Variants in PCSK2 observed in about 807,000 individuals in gnomAD.
PCSK2 encodes the protein proprotein convertase subtilisin/kexin type 2.
PCSK2 carries 14 observed loss-of-function variants against 69.7 expected under a neutral mutation model. The observed-to-expected ratio is 0.20, with a 90% CI of 0.13 to 0.31. The LOEUF (loss-of-function observed/expected upper bound fraction) is 0.31. PCSK2 is among the 10% of genes least tolerant of loss of function. The pLI is 1.00. For synonymous variants in PCSK2, 307 were observed against 320.7 expected, an observed-to-expected ratio of 0.96 and a Z score of 0.46; for missense variants, 544 against 842.5, an observed-to-expected ratio of 0.65 and a Z score of 4.39.
chr20:17,367,629 A>G (rs2030634863), intron 4 of PCSK2, among the ~76,000 whole-genome samples: 1 of 152,206 alleles, frequency 6.6e-6, no homozygotes, highest in Non-Finnish European at 1.5e-5. Context: ...TTTTAGAGAC[A>G]GGGTCTTGCT....
At chr20:17,248,643 G>A (rs766917725) in intron 1 of PCSK2, among the ~76,000 whole-genome samples, 18 of 152,184 alleles carry the variant, frequency 1.2e-4, no homozygotes, top group Non-Finnish European at 2.5e-4. Flanking sequence ...TATTGCATAA[G>A]AGTAAGCTCG....
chr20:17,284,708 G>A (rs1311065613), intron 2 of PCSK2, among the ~76,000 whole-genome samples: 1 of 152,192 alleles, frequency 6.6e-6, no homozygotes, highest in East Asian at 1.9e-4. Context: ...GATTGTGACA[G>A]AGAAGAGATT....
chr20:17,419,882 T>C (rs1360042163), intron 6 of PCSK2, among the ~76,000 whole-genome samples: 1 of 152,188 alleles, frequency 6.6e-6, no homozygotes, highest in East Asian at 1.9e-4. Flanking sequence ...TTATGAAGCA[T>C]TGGGGACGCA....
At chr20:17,270,942 T>G (rs1359213859) in intron 2 of PCSK2, among the ~76,000 whole-genome samples, 1 of 152,000 alleles carries the variant, frequency 6.6e-6, no homozygotes, top group East Asian at 1.9e-4. Flanking sequence ...CCATGAGGAG[T>G]GTGGACTAGT....
chr20:17,336,769 C>G (rs1990364503), intron 2 of PCSK2, among the ~76,000 whole-genome samples: 1 of 152,166 alleles, frequency 6.6e-6, no homozygotes, highest in African/African-American at 2.4e-5. Flanking sequence ...TCCAACCAAT[C>G]CATGGAAACA....
At chr20:17,418,243 A>G (rs2032045132) in intron 6 of PCSK2, among the ~76,000 whole-genome samples, 1 of 152,228 alleles carries the variant, frequency 6.6e-6, no homozygotes, top group African/African-American at 2.4e-5. Flanking sequence ...AAACTGAGGC[A>G]CAGAGAGGTT....
chr20:17,273,657 T>A (rs1326668157), intron 2 of PCSK2, among the ~76,000 whole-genome samples: 1 of 152,104 alleles, frequency 6.6e-6, no homozygotes, highest in Non-Finnish European at 1.5e-5. Flanking sequence ...TACGCTGGAG[T>A]CCTTGGGTTT....
intron 2 of PCSK2, among the ~76,000 whole-genome samples, chr20:17,304,969 G>T: frequency 6.6e-6 from 1 of 152,134 alleles, no homozygotes; most frequent in South Asian, 2.1e-4. Context: ...GCAGGCTGCA[G>T]CTCCTCCCAG....
chr20:17,253,822 A>G (rs999440118), intron 1 of PCSK2, among the ~76,000 whole-genome samples: 15 of 152,222 alleles, frequency 9.9e-5, no homozygotes, highest in South Asian at 8.3e-4. Flanking sequence ...TTACTATCCC[A>G]CCAACAGTGT....
intron 6 of PCSK2, among the ~76,000 whole-genome samples, chr20:17,424,462 A>C (rs2032201246): frequency 6.6e-6 from 1 of 152,150 alleles, no homozygotes; most frequent in Admixed American, 6.5e-5. Context: ...TTGTATCTGT[A>C]AAGATTTATG....
rs774490305 is a variant in PCSK2, at chr20:17,453,628, A to G, written c.886-114A>G. The stretch of plus-strand genomic sequence containing the variant: ...GTGTCCAACCCAGTTTAAAAAGTGC[A>G]CCCAGTCTTTAGGTTCAACTGCTGA... On this transcript the variant is annotated intron_variant, in intron 8 of 11. Coordinates refer to ENST00000262545, the MANE Select transcript of PCSK2 (RefSeq NM_002594.5). The surrounding 1 kb of genome is among the most constrained non-coding windows in gnomAD (Gnocchi z 4.0). 1 of 1,076,544 alleles carries G rather than the reference A, an allele frequency of 9.3e-7. No homozygotes were observed. Among genetic ancestry groups the G allele is most frequent in the Non-Finnish European group, 1.3e-6 (1 of 747,674 alleles). The allele number at this position is 1,076,544 out of a possible 1,614,324, so 66.7% of individuals were successfully genotyped here. A position where few individuals can be genotyped will look rare whatever the true frequency, so the allele number is the denominator to read the frequency against.
At chr20:17,263,887 T>C (rs1987490383) in intron 2 of PCSK2, among the ~76,000 whole-genome samples, 1 of 152,158 alleles carries the variant, frequency 6.6e-6, no homozygotes, top group African/African-American at 2.4e-5. Context: ...AACACTGAAA[T>C]GAAATAATGA....
rs1383530265 is a variant in PCSK2 at position 17,369,217 on chromosome 20, G to A, written c.506-23G>A. ...TGGCAGGTATTAACCTTTGGTTCCTGTGTTATTGTTGTCTTTTCACAGGGA... is the reference window on the plus strand; with the variant it reads ...TGGCAGGTATTAACCTTTGGTTCCTATGTTATTGTTGTCTTTTCACAGGGA... On this transcript the variant is annotated intron_variant, in intron 4 of 11. Coordinates refer to ENST00000262545, the MANE Select transcript of PCSK2 (RefSeq NM_002594.5). 8.1e-6 allele frequency: 13 copies of A among 1,611,208 alleles called. No individual in the cohort carries two copies. In the African/African-American group the frequency reaches 1.3e-4, roughly 17 times the overall value.
At chr20:17,244,793 A>G (rs1270600252) in intron 1 of PCSK2, among the ~76,000 whole-genome samples, 1 of 152,204 alleles carries the variant, frequency 6.6e-6, no homozygotes, top group Non-Finnish European at 1.5e-5. Context: ...TATTTTCCTG[A>G]AGATGTCACA....
intron 8 of PCSK2, among the ~76,000 whole-genome samples, chr20:17,445,419 G>A (rs749156604): frequency 2.0e-5 from 3 of 152,186 alleles, no homozygotes; most frequent in Non-Finnish European, 4.4e-5. Flanking sequence ...AATATTTAAA[G>A]ACAAGGCTAC....
rs139201602 is a variant in PCSK2, at chr20:17,328,478, T to A, written c.283-29849T>A. ...TATAATTATAGAATTATATGCAATT[T>A]TATATATATTAAAATACATAGACAA... is the stretch of plus-strand genomic sequence containing the variant. On this transcript the variant is annotated intron_variant, in intron 2 of 11. Coordinates refer to ENST00000262545, the MANE Select transcript of PCSK2 (RefSeq NM_002594.5). Among the ~76,000 whole-genome samples the A allele has an allele frequency of 1.5e-3, 222 of 150,372 alleles. 2 individuals are homozygous for A. The highest frequency in any genetic ancestry group is 1.2e-3 in the Non-Finnish European group (83 of 67,668).
At chr20:17,380,943 A>G (rs1298856631) in intron 5 of PCSK2, among the ~76,000 whole-genome samples, 3 of 152,156 alleles carry the variant, frequency 2.0e-5, no homozygotes, top group Non-Finnish European at 4.4e-5. Flanking sequence ...TGCCTCCCAG[A>G]ATACTTTACT....
chr20:17,427,637 T>G (rs2032275707), intron 6 of PCSK2, among the ~76,000 whole-genome samples: 1 of 152,228 alleles, frequency 6.6e-6, no homozygotes, highest in Non-Finnish European at 1.5e-5. Flanking sequence ...CATTGATTAT[T>G]GCTCCCAAGT....
At position 17,231,643 on chromosome 20, in the gene PCSK2, A is replaced by C. The variant is rs1023706104; in HGVS notation, c.177+4161A>C. ...TTTTCTATTGCTGTGTATCACTAAA[A>C]AACTTAGTGGCCTAAAACCACACAA... is the stretch of plus-strand genomic sequence containing the variant. On this transcript the variant is annotated intron_variant, in intron 1 of 11. Transcript: ENST00000262545. Among the ~76,000 whole-genome samples, 3 of 152,346 alleles carry C rather than the reference A, an allele frequency of 2.0e-5. No individual in the cohort carries two copies. In the East Asian group the frequency reaches 5.8e-4, roughly 29 times the overall value.
Sources: allele counts gnomAD v4.1 joint callset (sites outside exome capture counted in the v4.1 genomes callset), GRCh38; gene constraint gnomAD v4.1.1; non-coding constraint Gnocchi (gnomAD v3.1); transcripts MANE v1.5; gene names NCBI Gene and HGNC (gene_info 2026-07-23, HGNC 2026-07-21).